CRIM1: variants seen among roughly 807,000 people sequenced by gnomAD.
CRIM1 encodes the protein cysteine rich transmembrane BMP regulator 1, also known as cysteine-rich motor neuron 1 protein.
CRIM1 carries 32 observed loss-of-function variants against 116.4 expected under a neutral mutation model. That is an observed-to-expected ratio of 0.27 (90% CI 0.21 to 0.37). The LOEUF is 0.37. Ranked by LOEUF, CRIM1 falls within the 10% of genes least tolerant of loss-of-function variation. The pLI is 1.00. For missense variants in CRIM1, 1,331 were observed against 1,354.8 expected, an observed-to-expected ratio of 0.98 and a Z score of 0.28; for synonymous variants, 590 against 509.2, an observed-to-expected ratio of 1.16 and a Z score of -2.13.
chr2:36,393,407 CAT>C (rs1311367278), intron 1 of CRIM1, among the ~76,000 whole-genome samples: 1 of 151,936 alleles, frequency 6.6e-6, no homozygotes, highest in Non-Finnish European at 1.5e-5. Flanking sequence ...TACACACACA[CAT>C]TTTTTAATTA....
chr2:36,466,694 G>C (rs1423010587), intron 5 of CRIM1, among the ~76,000 whole-genome samples: 2 of 152,172 alleles, frequency 1.3e-5, no homozygotes, highest in Non-Finnish European at 1.5e-5. Flanking sequence ...AGGACACCCA[G>C]ATTTTGTTGC....
At position 36,477,017 on chromosome 2, in the gene CRIM1, A is replaced by T; in HGVS notation, c.1120A>T (p.Ile374Leu). Residue 374 changes from isoleucine (I) to leucine (L), a missense_variant, in exon 6 of 17, where the codon ATA becomes TTA. Ile to Leu is a conservative substitution (Grantham distance 5, BLOSUM62 2). This residue lies in a region of CRIM1 where 690 missense variants were observed against 676.0 expected (regional missense o/e 1.02). Transcript: ENST00000280527. Reference protein sequence around the residue: ...AICFTAQCGEINCERYYVPEG... With the variant: ...AICFTAQCGELNCERYYVPEG... ...CTGCTTCACCGCCCAGTGTGGTGAG[A>T]TAAACTGCGAGAGGTACTACGTGCC... 2 of 1,613,698 alleles carry T rather than the reference A, an allele frequency of 1.2e-6. No individual in the cohort carries two copies. The highest frequency in any genetic ancestry group is 1.3e-5 in the African/African-American group (1 of 75,046).
At position 36,476,946 on chromosome 2, in the gene CRIM1, G is replaced by T. The variant is rs142409995; in HGVS notation, c.1049G>T (p.Arg350Leu). 5.0e-6 allele frequency: 8 copies of T among 1,613,932 alleles called. No individual in the cohort carries two copies. Among genetic ancestry groups the T allele is most frequent in the Non-Finnish European group, 6.8e-6 (8 of 1,179,942 alleles). The change falls in exon 6 of 17, where the codon CGA becomes CTA. Residue 350 changes from arginine (R) to leucine (L), a missense_variant. Arg to Leu is a moderately radical substitution (Grantham distance 102, BLOSUM62 -2). Coordinates refer to ENST00000280527, the MANE Select transcript of CRIM1 (RefSeq NM_016441.3). ...NVEYYDGDMF[R>L]MDNCRFCRCQ... ...GAATATTATGATGGAGACATGTTTC[G>T]AATGGACAACTGTCGGTTCTGTCGA...
chr2:36,547,826 G>A (rs1005313336), intron 16 of CRIM1, among the ~76,000 whole-genome samples: 3 of 152,154 alleles, frequency 2.0e-5, no homozygotes, highest in East Asian at 3.9e-4. Flanking sequence ...ATTAATTAAG[G>A]GAAATAAATC....
At chr2:36,457,811 A>G (rs183491116) in intron 4 of CRIM1, among the ~76,000 whole-genome samples, 22 of 152,308 alleles carry the variant, frequency 1.4e-4, no homozygotes, top group African/African-American at 5.3e-4. Flanking sequence ...AATCAGTAGA[A>G]AGATAGTACA....
At position 36,368,619 on chromosome 2, in the gene CRIM1, T is replaced by C. The variant is rs528468812; in HGVS notation, c.331+11996T>C. Among the ~76,000 whole-genome samples the C allele has an allele frequency of 2.4e-4, 37 of 152,356 alleles. 1 individual carries two copies. The South Asian group carries it at 6.4e-3, about 26-fold the overall frequency. On this transcript the variant is annotated intron_variant, in intron 1 of 16. Transcript: ENST00000280527. ...AGAGCAGCCTTCCAGAATGAGGTAC[T>C]AGTTAATTCCCATTGGGCATTTATT... is the stretch of plus-strand genomic sequence containing the variant.
At chr2:36,395,312 T>C (rs912796869) in intron 1 of CRIM1, among the ~76,000 whole-genome samples, 8 of 152,158 alleles carry the variant, frequency 5.3e-5, no homozygotes, top group African/African-American at 1.7e-4. Flanking sequence ...AAAAACAGAT[T>C]TTTAAGATGG....
At chr2:36,394,478 A>G (rs1042966328) in intron 1 of CRIM1, among the ~76,000 whole-genome samples, 2 of 152,078 alleles carry the variant, frequency 1.3e-5, no homozygotes, top group African/African-American at 4.8e-5. Flanking sequence ...TTTTTTCAAT[A>G]TGGTGTTTTT....
intron 8 of CRIM1, among the ~76,000 whole-genome samples, chr2:36,500,411 C>G (rs1572877332): frequency 6.6e-6 from 1 of 152,282 alleles, no homozygotes; most frequent in East Asian, 1.9e-4. Flanking sequence ...CCTTGAATTG[C>G]ACTTCGTTGG....
chr2:36,510,490 G>T (rs933503762), intron 9 of CRIM1, among the ~76,000 whole-genome samples: 2 of 152,102 alleles, frequency 1.3e-5, no homozygotes, highest in Non-Finnish European at 2.9e-5. Flanking sequence ...CTGTCCCAAG[G>T]TCTATTTGTG....
intron 4 of CRIM1, among the ~76,000 whole-genome samples, chr2:36,447,683 C>T (rs560673249): frequency 3.9e-5 from 6 of 152,264 alleles, no homozygotes; most frequent in South Asian, 2.1e-4. Flanking sequence ...AGTCCCAGGT[C>T]AAGCCCTCAT....
chr2:36,389,853 A>G (rs1245429350), intron 1 of CRIM1, among the ~76,000 whole-genome samples: 1 of 152,146 alleles, frequency 6.6e-6, no homozygotes, highest in Non-Finnish European at 1.5e-5. Context: ...ATCCAGGACC[A>G]CTCAGGCTAG....
chr2:36,535,075 A>G (rs1306907379), intron 13 of CRIM1, among the ~76,000 whole-genome samples: 2 of 140,548 alleles, frequency 1.4e-5, no homozygotes, highest in East Asian at 2.3e-4. Flanking sequence ...ATGTGTATGG[A>G]GAGAGGAAGG....
chr2:36,508,723 A>T (rs1198657885), intron 8 of CRIM1, among the ~76,000 whole-genome samples: 1 of 152,152 alleles, frequency 6.6e-6, no homozygotes, highest in Non-Finnish European at 1.5e-5. Flanking sequence ...TTTTAACCTT[A>T]AACATTTCTA....
intron 8 of CRIM1, 194 bp downstream of exon 8, chr2:36,499,541 T>A: frequency 1.8e-6 from 1 of 544,422 alleles, no homozygotes; most frequent in Non-Finnish European, 3.1e-6. Flanking sequence ...CTTTATTGTG[T>A]TTTTTTCTCT....
At chr2:36,400,486 G>A (rs1672331596) in intron 2 of CRIM1, among the ~76,000 whole-genome samples, 2 of 152,096 alleles carry the variant, frequency 1.3e-5, no homozygotes, top group South Asian at 2.1e-4. Flanking sequence ...ACCTCCGTGT[G>A]GCTGGTGATA....
chr2:36,508,800 A>G (rs1391808503), intron 8 of CRIM1, among the ~76,000 whole-genome samples: 1 of 152,216 alleles, frequency 6.6e-6, no homozygotes, highest in Non-Finnish European at 1.5e-5. Context: ...CTATTAGGCT[A>G]ATAACTTCAG....
intron 2 of CRIM1, among the ~76,000 whole-genome samples, chr2:36,412,874 A>G (rs1197048923): frequency 6.6e-6 from 1 of 152,200 alleles, no homozygotes; most frequent in African/African-American, 2.4e-5. Flanking sequence ...GACATTTCAG[A>G]TCTTTTAAAT....
At chr2:36,510,698 A>G (rs1178231646) in intron 9 of CRIM1, among the ~76,000 whole-genome samples, 4 of 152,076 alleles carry the variant, frequency 2.6e-5, no homozygotes, top group Non-Finnish European at 5.9e-5. Flanking sequence ...TTTTTAATAT[A>G]CTTTATTGAG....
Sources: gnomAD v4.1 joint callset for allele counts (sites outside exome capture counted in the v4.1 genomes callset) on GRCh38, gnomAD v4.1.1 for gene constraint, gnomAD v4.1.1 regional missense constraint, MANE v1.5 for transcripts, NCBI Gene and HGNC (gene_info 2026-07-23, HGNC 2026-07-21) for gene names.